Variants in CNDP1 observed in about 807,000 individuals in gnomAD.
CNDP1 encodes carnosine dipeptidase 1, also known as beta-Ala-His dipeptidase.
CNDP1 carries 44 observed loss-of-function variants against 58.1 expected under a neutral mutation model. That is an observed-to-expected ratio of 0.76 (90% CI 0.60 to 0.97). The LOEUF is 0.97. Among genes scored for constraint, CNDP1 ranks in the 50% least tolerant of loss-of-function variants. The pLI is 0.00. For synonymous variants in CNDP1, 254 were observed against 252.6 expected (o/e 1.01, Z -0.05); for missense variants, 616 against 655.1 (o/e 0.94, Z 0.65).
At chr18:74,558,295 C>T (rs1457220134) in intron 2 of CNDP1, among the ~76,000 whole-genome samples, 4 of 152,128 alleles carry the variant, frequency 2.6e-5, no homozygotes, top group East Asian at 3.9e-4. Flanking sequence ...TACCAGCCAG[C>T]GCTGCTGGAG....
intron 1 of CNDP1, among the ~76,000 whole-genome samples, chr18:74,553,458 A>C (rs996641151): frequency 2.0e-5 from 3 of 152,154 alleles, no homozygotes; most frequent in African/African-American, 7.2e-5. Context: ...GAAGGGGGTG[A>C]AACTTTATCA....
At chr18:74,566,119 G>T (rs1022868738) in intron 5 of CNDP1, among the ~76,000 whole-genome samples, 3 of 152,218 alleles carry the variant, frequency 2.0e-5, no homozygotes, top group African/African-American at 7.2e-5. Flanking sequence ...GCTACAGCTG[G>T]GGAAGCTGGC....
Position 74,586,638 on chromosome 18 carries a change from T to C in CNDP1, c.*2076T>C, listed in dbSNP as rs1193167365. Reference sequence around the variant, plus strand: ...AGAAGGGGAGGAGAATGAATAGTTATGGAAGTTGTAGAATCTAGGATATTC... The same window carrying C: ...AGAAGGGGAGGAGAATGAATAGTTACGGAAGTTGTAGAATCTAGGATATTC... On this transcript the variant is annotated 3_prime_UTR_variant, in exon 12 of 12. Coordinates refer to ENST00000358821, the MANE Select transcript of CNDP1 (RefSeq NM_032649.6). The C allele has an allele frequency of 1.3e-5, 2 of 152,190 alleles. No homozygotes were observed. Among genetic ancestry groups the C allele is most frequent in the Non-Finnish European group, 2.9e-5 (2 of 68,042 alleles). The allele number at this position is 152,190 out of a possible 1,614,324, so 9.4% of individuals were successfully genotyped here.
intron 5 of CNDP1, among the ~76,000 whole-genome samples, chr18:74,564,670 A>G (rs1165956932): frequency 6.6e-6 from 1 of 152,178 alleles, no homozygotes; most frequent in Non-Finnish European, 1.5e-5. Context: ...CACACAGGCA[A>G]GCTCTGTAGT....
intron 1 of CNDP1, among the ~76,000 whole-genome samples, chr18:74,535,899 G>A (rs1980475143): frequency 6.6e-6 from 1 of 152,042 alleles, no homozygotes; most frequent in Non-Finnish European, 1.5e-5. Flanking sequence ...AGGCAGGGTG[G>A]AGCATGCCTG....
intron 10 of CNDP1, among the ~76,000 whole-genome samples, chr18:74,582,486 A>T (rs903791716): frequency 1.3e-5 from 2 of 152,250 alleles, no homozygotes; most frequent in Non-Finnish European, 2.9e-5. Flanking sequence ...AGCTATTGGC[A>T]TATCTGTCAC....
chr18:74,550,579 A>AT (rs796382003), intron 1 of CNDP1, among the ~76,000 whole-genome samples: 21,178 of 138,188 alleles, frequency 0.15, 1,759 homozygotes, highest in African/African-American at 0.22. Context: ...GCATTATTGA[A>AT]TTTTTTTTTT....
At chr18:74,584,213 CA>C in intron 11 of CNDP1, 1 of 431,952 alleles carries the variant, frequency 2.3e-6, no homozygotes, top group Non-Finnish European at 4.2e-6. Context: ...TACTGAGAAA[CA>C]AGAAATTGTT....
rs1032489202 is a variant in CNDP1 at position 74,567,474 on chromosome 18, G to T, written c.756+41G>T. On this transcript the variant is annotated intron_variant, in intron 6 of 11. Coordinates refer to ENST00000358821, the MANE Select transcript of CNDP1 (RefSeq NM_032649.6). ...AGTGCATGGATGGAGGCCTGTGGGG[G>T]TTGTGAATGGGAGCACCAATCCATT... 5 of 1,514,960 alleles carry T rather than the reference G, an allele frequency of 3.3e-6. No individual in the cohort carries two copies. In the Admixed American group the frequency reaches 6.7e-5, roughly 20 times the overall value. The allele number at this position is 1,514,960 out of a possible 1,614,324, so 93.8% of individuals were successfully genotyped here.
rs1281724958 is a variant in CNDP1, at chr18:74,547,715, G to A, written c.25-8623G>A. On this transcript the variant is annotated intron_variant, in intron 1 of 11. Coordinates refer to ENST00000358821, the MANE Select transcript of CNDP1 (RefSeq NM_032649.6). Reference sequence around the variant, plus strand: ...GTGTCTGCTGGAAGCTCAGGCAGCTGTGGGAGGAGAAAGAGGAGAACAAGA... The same window carrying A: ...GTGTCTGCTGGAAGCTCAGGCAGCTATGGGAGGAGAAAGAGGAGAACAAGA... 2.0e-5 allele frequency among the ~76,000 whole-genome samples: 3 copies of A among 152,228 alleles called. No homozygotes were observed. The East Asian group carries it at 5.8e-4, about 29-fold the overall frequency.
At chr18:74,556,294 T>C (rs764650053) in intron 1 of CNDP1, 44 bp from the exon 2 acceptor site, 1 of 1,598,666 alleles carries the variant, frequency 6.3e-7, no homozygotes, top group South Asian at 1.1e-5. Context: ...GTCCAGCAAC[T>C]GGCATTGATT....
At chr18:74,547,376 A>G (rs1278367873) in intron 1 of CNDP1, among the ~76,000 whole-genome samples, 1 of 152,214 alleles carries the variant, frequency 6.6e-6, no homozygotes, top group Non-Finnish European at 1.5e-5. Context: ...TTGTATGGAC[A>G]CCAAGGACCC....
At chr18:74,573,358 T>C (rs554086685) in intron 7 of CNDP1, among the ~76,000 whole-genome samples, 4 of 148,886 alleles carry the variant, frequency 2.7e-5, no homozygotes, top group African/African-American at 9.9e-5. Flanking sequence ...CCATTCATTA[T>C]CTATCCATCT....
Position 74,578,175 on chromosome 18 carries a change from A to G in CNDP1, c.1015A>G (p.Met339Val), listed in dbSNP as rs147253335. 1.9e-6 allele frequency: 3 copies of G among 1,608,276 alleles called. No individual in the cohort carries two copies. Among genetic ancestry groups the G allele is most frequent in the East Asian group, 2.2e-5 (1 of 44,860 alleles). The part of the protein sequence containing the change: ...FLFDTKEEIL[M>V]HLWRYPSLSI... ...TATTTTAATATAGGAGGAGATTCTAATGCACCTCTGGAGGTACCCATCTCT... is the reference window on the plus strand; with the variant it reads ...TATTTTAATATAGGAGGAGATTCTAGTGCACCTCTGGAGGTACCCATCTCT... The change falls in exon 9 of 12, where the codon ATG becomes GTG. Residue 339 changes from methionine (M) to valine (V), a missense_variant. Transcript: ENST00000358821.
chr18:74,571,069 A>G, intron 6 of CNDP1, 117 bp from the exon 7 acceptor site: 1 of 675,092 alleles, frequency 1.5e-6, no homozygotes, highest in Non-Finnish European at 2.7e-6. Flanking sequence ...TCAGGTCTGG[A>G]TGTTGCCTAC....
chr18:74,582,204 C>A (rs1034668944), intron 10 of CNDP1, among the ~76,000 whole-genome samples: 19 of 152,200 alleles, frequency 1.2e-4, no homozygotes, highest in Non-Finnish European at 2.4e-4. Flanking sequence ...GCATAAGACA[C>A]CTTTCGGTCT....
chr18:74,535,668 T>TA (rs950358891), intron 1 of CNDP1, among the ~76,000 whole-genome samples: 2 of 149,166 alleles, frequency 1.3e-5, no homozygotes, highest in African/African-American at 2.4e-5. Context: ...TGTCTTACTT[T>TA]AAAAAATCTT....
At chr18:74,561,744 G>C (rs762181872) in intron 4 of CNDP1, 2 of 245,100 alleles carry the variant, frequency 8.2e-6, no homozygotes, top group Non-Finnish European at 1.6e-5. Flanking sequence ...GGGTCTCTCC[G>C]GTGAACTTGG....
rs1981912081 is a variant in CNDP1 at position 74,586,246 on chromosome 18, T to C, written c.*1684T>C. The C allele has an allele frequency of 6.6e-6, 1 of 152,164 alleles. No individual in the cohort carries two copies. The highest frequency in any genetic ancestry group is 2.4e-5 in the African/African-American group (1 of 41,418). The allele number at this position is 152,164 out of a possible 1,614,324, so 9.4% of individuals were successfully genotyped here. On this transcript the variant is annotated 3_prime_UTR_variant, in exon 12 of 12. Transcript: ENST00000358821. ...GTGTTTTCTTTGGAAGCAGGAGGCTTCAAGCCATCACATCTCCAATTCTAT... is the reference window on the plus strand; with the variant it reads ...GTGTTTTCTTTGGAAGCAGGAGGCTCCAAGCCATCACATCTCCAATTCTAT...
Sources: gnomAD v4.1 joint callset for allele counts (sites outside exome capture counted in the v4.1 genomes callset) on GRCh38, gnomAD v4.1.1 for gene constraint, MANE v1.5 for transcripts, NCBI Gene and HGNC (gene_info 2026-07-23, HGNC 2026-07-21) for gene names.